Variants in DDR2 observed in about 807,000 individuals in gnomAD.
The protein encoded by DDR2 is discoidin domain receptor tyrosine kinase 2, also known as discoidin domain-containing receptor 2.
Under a neutral mutation model 94.9 loss-of-function variants are expected in DDR2, and 27 were observed. That is an observed-to-expected ratio of 0.28 (90% CI 0.21 to 0.39). DDR2 has a LOEUF of 0.39. Ranked by LOEUF, DDR2 falls within the 10% of genes least tolerant of loss-of-function variation. The probability of loss-of-function intolerance (pLI) is 1.00; values close to 1 mark genes in which losing one functional copy is unlikely to be tolerated. For synonymous variants in DDR2, 382 were observed against 377.2 expected, an observed-to-expected ratio of 1.01 and a Z score of -0.15; for missense variants, 783 against 1,076.0, an observed-to-expected ratio of 0.73 and a Z score of 3.81.
At chr1:162,678,749 C>T (rs555086386) in intron 2 of DDR2, among the ~76,000 whole-genome samples, 261 of 152,240 alleles carry the variant, frequency 1.7e-3, no homozygotes, top group Non-Finnish European at 2.0e-3. Flanking sequence ...AAGGCTCCCT[C>T]GGGCAACAAA....
At chr1:162,667,581 C>T (rs577237398) in intron 2 of DDR2, among the ~76,000 whole-genome samples, 4 of 152,294 alleles carry the variant, frequency 2.6e-5, no homozygotes, top group African/African-American at 9.6e-5. Flanking sequence ...AGGCCAAACA[C>T]ATTTAAAGGA....
intron 15 of DDR2, 138 bp downstream of exon 15, chr1:162,775,981 C>A: frequency 1.5e-6 from 2 of 1,353,924 alleles, no homozygotes; most frequent in Non-Finnish European, 1.0e-6. Flanking sequence ...AATAATGGAG[C>A]AGCTGCCCTT....
At chr1:162,769,167 T>C (rs1436452474) in intron 11 of DDR2, among the ~76,000 whole-genome samples, 1 of 152,160 alleles carries the variant, frequency 6.6e-6, no homozygotes, top group Non-Finnish European at 1.5e-5. Context: ...AAGAGAGAAA[T>C]GTTGGAATCT....
At chr1:162,752,097 A>G (rs1354948433) in intron 3 of DDR2, among the ~76,000 whole-genome samples, 1 of 152,150 alleles carries the variant, frequency 6.6e-6, no homozygotes, top group Non-Finnish European at 1.5e-5. Context: ...TATATATGTG[A>G]CAAACCTGCA....
At chr1:162,711,969 T>C (rs984746386) in intron 2 of DDR2, among the ~76,000 whole-genome samples, 1 of 152,022 alleles carries the variant, frequency 6.6e-6, no homozygotes, top group East Asian at 1.9e-4. Flanking sequence ...GGGCTTGCTC[T>C]GAGATCACCA....
At chr1:162,747,463 A>G (rs958566539) in intron 3 of DDR2, among the ~76,000 whole-genome samples, 47 of 151,908 alleles carry the variant, frequency 3.1e-4, no homozygotes, top group African/African-American at 1.1e-3. Context: ...AAGAGTAAAA[A>G]AAAATGAACA....
At position 162,772,205 on chromosome 1, in the gene DDR2, C is replaced by G. The variant is rs1647265918; in HGVS notation, c.1686C>G (p.Leu562=). The G allele has an allele frequency of 6.2e-7, 1 of 1,614,172 alleles. No homozygotes were observed. The highest frequency in any genetic ancestry group is 2.2e-5 in the East Asian group (1 of 44,880). The stretch of plus-strand genomic sequence containing the variant: ...CTGTGGAGGAGTTCCCCAGGAAACT[C>G]CTAACTTTCAAAGAGAAGCTGGGAG... ...DVAVEEFPRK[L]LTFKEKLGEG... Residue 562 remains leucine, a synonymous_variant, in exon 13 of 18, where the codon CTC becomes CTG. Transcript: ENST00000367921.
chr1:162,757,068 G>C (rs1424411573), intron 7 of DDR2, among the ~76,000 whole-genome samples: 1 of 152,168 alleles, frequency 6.6e-6, no homozygotes, highest in Non-Finnish European at 1.5e-5. Flanking sequence ...ATATGAGCAA[G>C]AGATAGCCTA....
intron 2 of DDR2, among the ~76,000 whole-genome samples, chr1:162,672,016 C>A (rs1317215542): frequency 6.6e-6 from 1 of 152,146 alleles, no homozygotes; most frequent in Non-Finnish European, 1.5e-5. Flanking sequence ...TTAATGCTTG[C>A]AGTTTTCCCT....
At chr1:162,641,318 G>A (rs757465030) in intron 1 of DDR2, among the ~76,000 whole-genome samples, 1 of 152,038 alleles carries the variant, frequency 6.6e-6, no homozygotes, top group Non-Finnish European at 1.5e-5. Context: ...GACTTGAGTC[G>A]CTATGATCTT....
intron 1 of DDR2, among the ~76,000 whole-genome samples, chr1:162,635,271 T>G (rs765240633): frequency 1.1e-4 from 17 of 151,712 alleles, no homozygotes; most frequent in Non-Finnish European, 2.2e-4. Flanking sequence ...CCTTTCCATG[T>G]ATTTGCATTT....
intron 2 of DDR2, among the ~76,000 whole-genome samples, chr1:162,676,683 C>G (rs1659142096): frequency 6.6e-6 from 1 of 152,210 alleles, no homozygotes; most frequent in Non-Finnish European, 1.5e-5. Context: ...GTGCCAAATA[C>G]TTTGGGGGAG....
intron 2 of DDR2, among the ~76,000 whole-genome samples, chr1:162,686,781 T>A (rs898050378): frequency 4.6e-5 from 7 of 152,220 alleles, no homozygotes; most frequent in African/African-American, 1.7e-4. Flanking sequence ...TTTTGCCATA[T>A]TGGCCAGGCT....
intron 2 of DDR2, among the ~76,000 whole-genome samples, chr1:162,674,060 G>T (rs1048384623): frequency 4.6e-5 from 7 of 152,066 alleles, no homozygotes; most frequent in African/African-American, 1.4e-4. Flanking sequence ...ATAACAATCA[G>T]AATGCTTATT....
chr1:162,737,688 T>C (rs1406226233), intron 3 of DDR2, among the ~76,000 whole-genome samples: 1 of 112,826 alleles, frequency 8.9e-6, no homozygotes, highest in Non-Finnish European at 1.8e-5. Context: ...ATGGGATGGC[T>C]GGGTCAAATG....
chr1:162,735,424 A>G (rs1662251621), intron 3 of DDR2, among the ~76,000 whole-genome samples: 1 of 152,194 alleles, frequency 6.6e-6, no homozygotes. Context: ...GTAGTGGTTA[A>G]TACACTGTTT....
intron 2 of DDR2, among the ~76,000 whole-genome samples, chr1:162,669,646 A>G (rs1658739395): frequency 6.6e-6 from 1 of 152,274 alleles, no homozygotes; most frequent in Admixed American, 6.5e-5. Flanking sequence ...TAATAATTCA[A>G]TAATAATGGC....
chr1:162,755,544 G>T, intron 6 of DDR2, 120 bp from the exon 7 acceptor site: 1 of 1,096,068 alleles, frequency 9.1e-7, no homozygotes, highest in Admixed American at 1.7e-5. Flanking sequence ...GTCTTCCCTC[G>T]GTGTCCAGAT....
intron 2 of DDR2, among the ~76,000 whole-genome samples, chr1:162,687,282 A>G (rs1173996787): frequency 6.6e-6 from 1 of 152,228 alleles, no homozygotes. Flanking sequence ...TCTTTCTTGT[A>G]TGCCCAGTGG....
Sources: allele counts gnomAD v4.1 joint callset (sites outside exome capture counted in the v4.1 genomes callset), GRCh38; gene constraint gnomAD v4.1.1; transcripts MANE v1.5; gene names NCBI Gene and HGNC (gene_info 2026-07-23, HGNC 2026-07-21).